RBM42: variants seen among roughly 807,000 people sequenced by gnomAD.
RBM42 encodes RNA-binding protein 42.
In RBM42, 21 loss-of-function variants were observed where a neutral mutation model predicts 41.4. That is an observed-to-expected ratio of 0.51 (90% confidence interval 0.36 to 0.73). The LOEUF is 0.73. Ranked by LOEUF, RBM42 falls within the 30% of genes least tolerant of loss-of-function variation. The pLI is 0.00. For synonymous variants in RBM42, 272 were observed against 271.2 expected, an observed-to-expected ratio of 1.00 and a Z score of -0.03; for missense variants, 539 against 680.4, an observed-to-expected ratio of 0.79 and a Z score of 2.31.
chr19:35,634,221 C>T, intron 7 of RBM42, 35 bp from the exon 8 acceptor site: 1 of 1,602,800 alleles, frequency 6.2e-7, no homozygotes, highest in Non-Finnish European at 8.5e-7. Flanking sequence ...GACCCCAATA[C>T]CAACCCCTTT....
rs1384978373 is a variant in RBM42 at position 35,630,595 on chromosome 19, G to A, written c.283-545G>A. Among the ~76,000 whole-genome samples, 6 of 151,990 alleles carry A rather than the reference G, an allele frequency of 3.9e-5. 1 individual carries two copies. The highest frequency in any genetic ancestry group is 4.1e-4 in the South Asian group (2 of 4,824). On this transcript the variant is annotated intron_variant, in intron 2 of 9. Coordinates refer to ENST00000262633, the MANE Select transcript of RBM42 (RefSeq NM_024321.5). ...AACCTGGCCAACATGGTGCAACCCCGTCTCTATTAAAAATACAAAAATTAG... is the reference window on the plus strand; with the variant it reads ...AACCTGGCCAACATGGTGCAACCCCATCTCTATTAAAAATACAAAAATTAG...
At chr19:35,630,528 G>T (rs1195859586) in intron 2 of RBM42, among the ~76,000 whole-genome samples, 4 of 152,150 alleles carry the variant, frequency 2.6e-5, no homozygotes, top group Non-Finnish European at 5.9e-5. Flanking sequence ...AGCACTTTGG[G>T]AAGCCAAGGC....
chr19:35,637,162 C>T lies in RBM42; in HGVS notation c.1140C>T (p.Asp380=). 1 of 1,612,792 alleles carries T rather than the reference C, an allele frequency of 6.2e-7. No homozygotes were observed. Among genetic ancestry groups the T allele is most frequent in the Non-Finnish European group, 8.5e-7 (1 of 1,179,374 alleles). ...DPSLLEWDAD[D]FRIFCGDLGN... ...TCATCTCTTCCCCATCCCCAGATGA[C>T]TTCCGGATCTTCTGTGGGGATCTGG... Residue 380 remains aspartate (D), a synonymous_variant, in exon 9 of 10, where the codon GAC becomes GAT. Coordinates refer to ENST00000262633, the MANE Select transcript of RBM42 (RefSeq NM_024321.5). The surrounding 1 kb of genome is among the most constrained non-coding windows in gnomAD (Gnocchi z 7.0).
chr19:35,633,993 C>A lies in RBM42; in HGVS notation c.991C>A (p.Pro331Thr), dbSNP rs762662687. ...RPRPRPPRPE[P>T]PPGLMALEVP... ...TCGGCCCCGGCCCCCTCGGCCAGAGCCACCCCCAGGCCTCATGGCTCTTGA... is the reference window on the plus strand; with the variant it reads ...TCGGCCCCGGCCCCCTCGGCCAGAGACACCCCCAGGCCTCATGGCTCTTGA... The change falls in exon 7 of 10, where the codon CCA becomes ACA. Residue 331 changes from proline to threonine, a missense_variant. By Grantham distance (38) the Pro-to-Thr change is conservative. Around this residue, in one of 2 missense-constraint regions of RBM42, gnomAD observed 429 missense variants for 488.9 expected, o/e 0.88. Coordinates refer to ENST00000262633, the MANE Select transcript of RBM42 (RefSeq NM_024321.5). 1.3e-6 allele frequency: 2 copies of A among 1,528,902 alleles called. No individual in the cohort carries two copies. The highest frequency in any genetic ancestry group is 1.7e-6 in the Non-Finnish European group (2 of 1,143,090). The allele number at this position is 1,528,902 out of a possible 1,614,324, so 94.7% of individuals were successfully genotyped here.
At position 35,637,357 on chromosome 19, in the gene RBM42, G is replaced by A. The variant is rs1967515770; in HGVS notation, c.1330+5G>A. 2.5e-6 allele frequency: 4 copies of A among 1,614,134 alleles called. No individual in the cohort carries two copies. Among genetic ancestry groups the A allele is most frequent in the Non-Finnish European group, 3.4e-6 (4 of 1,179,966 alleles). On this transcript the variant is annotated splice_donor_5th_base_variant and intron_variant, in intron 9 of 9. Transcript: ENST00000262633. This position sits in a 1 kb window ranked among gnomAD's most constrained non-coding sequence, Gnocchi z 7.0. ...GCGCCATGCGTGAGATGAATGGTGG[G>A]TGCGGCCTCCCCTGGGAACTGCAGG...
intron 2 of RBM42, among the ~76,000 whole-genome samples, chr19:35,630,826 G>A (rs1467476697): frequency 6.6e-6 from 1 of 151,652 alleles, no homozygotes; most frequent in African/African-American, 2.4e-5. Flanking sequence ...GGCTAGTACA[G>A]TAATCTAGAC....
intron 2 of RBM42, among the ~76,000 whole-genome samples, chr19:35,630,139 C>A (rs1410478318): frequency 6.6e-6 from 1 of 151,752 alleles, no homozygotes; most frequent in Non-Finnish European, 1.5e-5. Context: ...CATGGTGAAA[C>A]CCCATCTCTA....
intron 2 of RBM42, among the ~76,000 whole-genome samples, chr19:35,630,811 G>A (rs944620623): frequency 6.6e-6 from 1 of 151,696 alleles, no homozygotes; most frequent in Admixed American, 6.5e-5. Flanking sequence ...GGAGATGGAG[G>A]AAGGGGCTAG....
rs2146354930 is a variant in RBM42, at chr19:35,637,603, C to T, written c.*49C>T. The T allele has an allele frequency of 6.9e-7, 1 of 1,440,702 alleles. No individual in the cohort carries two copies. The highest frequency in any genetic ancestry group is 9.6e-7 in the Non-Finnish European group (1 of 1,036,408). 89.2% of individuals were successfully genotyped at this position (1,440,702 alleles called of 1,614,324 possible). ...CCACCTGGCCGGGCGCTGGCTCCTC[C>T]CTCAGTTCTCTTTGGAAAACCCCCA... On this transcript the variant is annotated 3_prime_UTR_variant, in exon 10 of 10. Coordinates refer to ENST00000262633, the MANE Select transcript of RBM42 (RefSeq NM_024321.5). This position sits in a 1 kb window ranked among gnomAD's most constrained non-coding sequence, Gnocchi z 7.0.
At position 35,633,118 on chromosome 19, in the gene RBM42, G is replaced by A. The variant is rs1967434330; in HGVS notation, c.550G>A (p.Ala184Thr). 6.2e-7 allele frequency: 1 copy of A among 1,606,630 alleles called. No homozygotes were observed. Among genetic ancestry groups the A allele is most frequent in the African/African-American group, 1.3e-5 (1 of 74,878 alleles). ...TGCAGCAGCCGGCCCCCGCCCTATG[G>A]CCCTACGGCCCCCTCACCAGGCCCT... is the stretch of plus-strand genomic sequence containing the variant. ...SSAAAGPRPM[A>T]LRPPHQALVG... The change falls in exon 6 of 10, where the codon GCC becomes ACC. Residue 184 changes from alanine to threonine, a missense_variant. Transcript: ENST00000262633.
intron 8 of RBM42, among the ~76,000 whole-genome samples, chr19:35,635,811 C>T (rs1967486887): frequency 1.3e-5 from 2 of 152,112 alleles, no homozygotes. Context: ...TAAGCCACCA[C>T]GCCCAGCCTC....
chr19:35,633,550 T>A, intron 6 of RBM42, 137 bp from the exon 7 acceptor site: 1 of 780,360 alleles, frequency 1.3e-6, no homozygotes, highest in South Asian at 2.6e-5. Context: ...TGTGTTTGTC[T>A]GGCTGGAGAC....
In RBM42 at chr19:35,633,686, G is replaced by T; in HGVS notation, c.685-1G>T. On this transcript the variant is annotated splice_acceptor_variant, in intron 6 of 9. Transcript: ENST00000262633. LOFTEE classifies it high-confidence loss of function. The stretch of plus-strand genomic sequence containing the variant: ...CCCTCATGCTCTCCTCTTACCCACA[G>T]GAAGAGCCAGCAGCACCCCGAGAGC... 6.9e-7 allele frequency: 1 copy of T among 1,448,796 alleles called. No homozygotes were observed. The allele number at this position is 1,448,796 out of a possible 1,614,324, so 89.7% of individuals were successfully genotyped here.
In RBM42 at chr19:35,633,970, G is replaced by T; in HGVS notation, c.968G>T (p.Arg323Leu). ...RIPELLSLRP[R>L]PRPPRPEPPP... ...CCTGAACTCCTGTCCCTGCGTCCTC[G>T]GCCCCGGCCCCCTCGGCCAGAGCCA... The change falls in exon 7 of 10, where the codon CGG becomes CTG. Residue 323 changes from arginine to leucine, a missense_variant. Physicochemically the swap from Arg to Leu is moderately radical, Grantham distance 102. This residue lies in a region of RBM42 where 429 missense variants were observed against 488.9 expected (regional missense o/e 0.88). Transcript: ENST00000262633. The T allele has an allele frequency of 6.5e-7, 1 of 1,544,884 alleles. No individual in the cohort carries two copies. The highest frequency in any genetic ancestry group is 8.7e-7 in the Non-Finnish European group (1 of 1,151,116).
rs1408302320 is a variant in RBM42 at position 35,637,108 on chromosome 19, A to G, written c.1136-50A>G. The G allele has an allele frequency of 1.3e-6, 2 of 1,531,168 alleles. No homozygotes were observed. Among genetic ancestry groups the G allele is most frequent in the African/African-American group, 2.7e-5 (2 of 73,038 alleles). 94.8% of individuals were successfully genotyped at this position (1,531,168 alleles called of 1,614,324 possible). Reference sequence around the variant, plus strand: ...GTGGGATCGTTCAGACAAGGTAGACACTGGGCAAGGCCTCTGCATCCTCTG... The same window carrying G: ...GTGGGATCGTTCAGACAAGGTAGACGCTGGGCAAGGCCTCTGCATCCTCTG... On this transcript the variant is annotated intron_variant, in intron 8 of 9. Coordinates refer to ENST00000262633, the MANE Select transcript of RBM42 (RefSeq NM_024321.5). This position sits in a 1 kb window ranked among gnomAD's most constrained non-coding sequence, Gnocchi z 7.0.
At chr19:35,632,874 C>A in intron 4 of RBM42, 62 bp from the exon 5 acceptor site, 1 of 779,490 alleles carries the variant, frequency 1.3e-6, no homozygotes, top group Non-Finnish European at 2.4e-6. Context: ...CATGCACACA[C>A]ACACCTTGTC....
chr19:35,632,480 G>C (rs1323915492), intron 4 of RBM42, among the ~76,000 whole-genome samples: 2 of 152,162 alleles, frequency 1.3e-5, no homozygotes, highest in Non-Finnish European at 2.9e-5. Flanking sequence ...CTCACCCCTT[G>C]CCTAACACTT....
In RBM42 at chr19:35,637,377, TGCAGGCGCG is replaced by T. The variant is rs1188552055; in HGVS notation, c.1330+34_1330+42del. ...GGTGGGTGCGGCCTCCCCTGGGAAC[TGCAGGCGCG>T]GCAGGCGCTGGCCTAAGCCTGACCC... On this transcript the variant is annotated intron_variant, in intron 9 of 9. Coordinates refer to ENST00000262633, the MANE Select transcript of RBM42 (RefSeq NM_024321.5). This position sits in a 1 kb window ranked among gnomAD's most constrained non-coding sequence, Gnocchi z 7.0. The T allele has an allele frequency of 2.5e-6, 4 of 1,613,644 alleles. No homozygotes were observed. Among genetic ancestry groups the T allele is most frequent in the South Asian group, 1.1e-5 (1 of 91,070 alleles).
At chr19:35,636,781 T>C (rs1419143890) in intron 8 of RBM42, among the ~76,000 whole-genome samples, 4 of 151,628 alleles carry the variant, frequency 2.6e-5, no homozygotes, top group Non-Finnish European at 5.9e-5. Context: ...TAGGGCAGAG[T>C]TAAGGGTGTT....
Sources: gnomAD v4.1 joint callset for allele counts (sites outside exome capture counted in the v4.1 genomes callset) on GRCh38, gnomAD v4.1.1 for gene constraint, gnomAD v4.1.1 regional missense constraint, Gnocchi (gnomAD v3.1) non-coding constraint, MANE v1.5 for transcripts, NCBI Gene and HGNC (gene_info 2026-07-23, HGNC 2026-07-21) for gene names.